Variants in FLNB observed in about 807,000 individuals in gnomAD.
FLNB encodes the protein filamin B, also known as filamin-B.
A neutral mutation model predicts 250.6 loss-of-function variants in FLNB; 111 were observed. The observed-to-expected ratio is 0.44, with a 90% CI of 0.38 to 0.52. The LOEUF is 0.52. Among genes scored for constraint, FLNB ranks in the 20% least tolerant of loss-of-function variants. FLNB has a pLI of 0.00. For missense variants in FLNB, 2,869 were observed against 3,447.8 expected, an observed-to-expected ratio of 0.83 and a Z score of 4.20; for synonymous variants, 1,302 against 1,372.1, an observed-to-expected ratio of 0.95 and a Z score of 1.13.
At chr3:58,170,260 C>T (rs566341332) in intron 45 of FLNB, among the ~76,000 whole-genome samples, 4 of 152,280 alleles carry the variant, frequency 2.6e-5, no homozygotes, top group South Asian at 4.1e-4. Flanking sequence ...TAGGTTTTGA[C>T]ACCCATAACT....
At chr3:58,029,590 C>T (rs1158357837) in intron 1 of FLNB, among the ~76,000 whole-genome samples, 1 of 151,206 alleles carries the variant, frequency 6.6e-6, no homozygotes, top group Non-Finnish European at 1.5e-5. Context: ...CTGCAGTCTT[C>T]ACCTCCTGGT....
chr3:58,110,213 G>C (rs757485765), intron 16 of FLNB, 43 bp downstream of exon 16: 1 of 1,598,708 alleles, frequency 6.3e-7, no homozygotes, highest in Non-Finnish European at 8.6e-7. Flanking sequence ...AGTAGGCCTG[G>C]ATTCTCTTTG....
intron 20 of FLNB, among the ~76,000 whole-genome samples, chr3:58,122,023 G>T (rs2097289578): frequency 1.3e-5 from 2 of 151,778 alleles, no homozygotes; most frequent in African/African-American, 4.8e-5. Context: ...CAAAAAATTA[G>T]CTGGGCATGG....
chr3:58,041,547 G>A (rs1441314064), intron 1 of FLNB, among the ~76,000 whole-genome samples: 1 of 152,178 alleles, frequency 6.6e-6, no homozygotes, highest in Non-Finnish European at 1.5e-5. Context: ...CACCACCAGT[G>A]GGACTAGCCC....
At chr3:58,026,297 C>T (rs2097123537) in intron 1 of FLNB, among the ~76,000 whole-genome samples, 1 of 152,092 alleles carries the variant, frequency 6.6e-6, no homozygotes, top group Non-Finnish European at 1.5e-5. Context: ...CTCCCATCCC[C>T]CAGGAGTCTG....
chr3:58,036,542 A>G (rs946834738), intron 1 of FLNB, among the ~76,000 whole-genome samples: 1 of 152,198 alleles, frequency 6.6e-6, no homozygotes, highest in Non-Finnish European at 1.5e-5. Context: ...CAGCTGATCC[A>G]TGGAGTGCAG....
intron 31 of FLNB, 24 bp from the exon 32 acceptor site, chr3:58,143,449 G>A (rs1381771309): frequency 6.2e-7 from 1 of 1,613,954 alleles, no homozygotes; most frequent in Non-Finnish European, 8.5e-7. Context: ...GGGCTTCATT[G>A]CCCCGTCTCT....
At chr3:58,042,235 T>A (rs992303404) in intron 1 of FLNB, among the ~76,000 whole-genome samples, 1 of 152,172 alleles carries the variant, frequency 6.6e-6, no homozygotes, top group African/African-American at 2.4e-5. Context: ...GGACTTGGCC[T>A]CCTCTTTGAT....
intron 31 of FLNB, among the ~76,000 whole-genome samples, chr3:58,143,113 A>C (rs1278489084): frequency 6.6e-6 from 1 of 152,138 alleles, no homozygotes; most frequent in Non-Finnish European, 1.5e-5. Flanking sequence ...TGAGTCTGTC[A>C]TACAGGAGTT....
chr3:58,111,796 C>G lies in FLNB; in HGVS notation c.2490C>G (p.Ile830Met), dbSNP rs770433624. Residue 830 changes from isoleucine (I) to methionine (M), a missense_variant, in exon 17 of 46, where the codon ATC becomes ATG. By Grantham distance (10) the Ile-to-Met change is conservative (BLOSUM62 1). Coordinates refer to ENST00000295956, the MANE Select transcript of FLNB (RefSeq NM_001457.4). ...TIKVLFASQE[I>M]PASPFRVKVD... ...AGACTGTGTCTCTGCTACAGGAAAT[C>G]CCCGCCAGCCCTTTCAGAGTCAAAG... 6.2e-7 allele frequency: 1 copy of G among 1,613,650 alleles called. No individual in the cohort carries two copies. Among genetic ancestry groups the G allele is most frequent in the South Asian group, 1.1e-5 (1 of 91,070 alleles).
intron 1 of FLNB, among the ~76,000 whole-genome samples, chr3:58,037,184 C>T (rs568958590): frequency 8.1e-4 from 123 of 151,798 alleles, no homozygotes; most frequent in African/African-American, 2.8e-3. Flanking sequence ...CCTGCCTCAG[C>T]CTCTCAGGTA....
chr3:58,140,621 T>A (rs189514670), intron 29 of FLNB, among the ~76,000 whole-genome samples: 1 of 152,294 alleles, frequency 6.6e-6, no homozygotes, highest in East Asian at 1.9e-4. Context: ...TTTTTTGTTT[T>A]TTTTTGAGAC....
intron 43 of FLNB, 117 bp downstream of exon 43, chr3:58,163,447 G>T: frequency 9.1e-7 from 1 of 1,097,166 alleles, no homozygotes; most frequent in Non-Finnish European, 1.4e-6. Context: ...GGAAACTGGG[G>T]TCATGCACAC....
At position 58,170,935 on chromosome 3, in the gene FLNB, A is replaced by T. The variant is rs1030930807; in HGVS notation, c.*173A>T. The T allele has an allele frequency of 1.3e-5, 8 of 629,692 alleles. No homozygotes were observed. Among genetic ancestry groups the T allele is most frequent in the South Asian group, 3.9e-5 (2 of 51,898 alleles). The allele number at this position is 629,692 out of a possible 1,614,324, so 39.0% of individuals were successfully genotyped here. ...GTCCTAGACTGGACTCTTGAGGGAC[A>T]TATTGGAGAATCTTAAGAAATGCAA... On this transcript the variant is annotated 3_prime_UTR_variant, in exon 46 of 46. Transcript: ENST00000295956.
At position 58,172,197 on chromosome 3, in the gene FLNB, C is replaced by T. The variant is rs1409134061; in HGVS notation, c.*1435C>T. 6.6e-6 allele frequency: 1 copy of T among 152,612 alleles called. No individual in the cohort carries two copies. The highest frequency in any genetic ancestry group is 1.5e-5 in the Non-Finnish European group (1 of 68,048). The allele number at this position is 152,612 out of a possible 1,614,324, so 9.5% of individuals were successfully genotyped here. On this transcript the variant is annotated 3_prime_UTR_variant, in exon 46 of 46. Transcript: ENST00000295956. Reference sequence around the variant, plus strand: ...ACACGGAAGCCAAACTGGAATCAAACGCCGACTGTAAATTGTATCTTATAA... The same window carrying T: ...ACACGGAAGCCAAACTGGAATCAAATGCCGACTGTAAATTGTATCTTATAA...
intron 1 of FLNB, among the ~76,000 whole-genome samples, chr3:58,038,228 C>T (rs1407956460): frequency 6.6e-6 from 1 of 152,068 alleles, no homozygotes; most frequent in Non-Finnish European, 1.5e-5. Flanking sequence ...GGGTTTTTGC[C>T]ATGTTGGCCA....
chr3:58,100,325 A>G (rs565351430), intron 8 of FLNB, among the ~76,000 whole-genome samples: 44 of 143,604 alleles, frequency 3.1e-4, no homozygotes, highest in Admixed American at 2.0e-3. Flanking sequence ...CTTTTAATTT[A>G]CTAACATCCT....
Position 58,148,722 on chromosome 3 carries a change from C to T in FLNB, c.5961C>T (p.Asn1987=). The T allele has an allele frequency of 6.2e-7, 1 of 1,614,112 alleles. No homozygotes were observed. Among genetic ancestry groups the T allele is most frequent in the Non-Finnish European group, 8.5e-7 (1 of 1,179,994 alleles). ...SIKKNGNHVA[N]SPVSIMVVQS... ...AGAAAAATGGCAACCATGTGGCCAA[C>T]AGCCCCGTGTCTATCATGGTGGTCC... The change falls in exon 36 of 46, where the codon AAC becomes AAT. Residue 1987 remains asparagine, a synonymous_variant. Transcript: ENST00000295956.
chr3:58,014,702 T>C (rs964524995), intron 1 of FLNB, among the ~76,000 whole-genome samples: 2 of 151,990 alleles, frequency 1.3e-5, no homozygotes, highest in African/African-American at 2.4e-5. Flanking sequence ...AGTAGCTCCA[T>C]GGTCAGGGTG....
Sources: allele counts gnomAD v4.1 joint callset (sites outside exome capture counted in the v4.1 genomes callset), GRCh38; gene constraint gnomAD v4.1.1; transcripts MANE v1.5; gene names NCBI Gene and HGNC (gene_info 2026-07-23, HGNC 2026-07-21).